Variants in EIF3CL observed in about 807,000 individuals in gnomAD.
EIF3CL encodes eukaryotic translation initiation factor 3 subunit C-like protein.
For synonymous variants in EIF3CL, 2 were observed against 19.6 expected, an observed-to-expected ratio of 0.10 and a Z score of 2.37; for missense variants, 5 against 56.1, an observed-to-expected ratio of 0.09 and a Z score of 2.91.
chr16:28,423,966 C>T, the EIF3CL span, among the ~76,000 whole-genome samples: 3 of 106,482 alleles, frequency 2.8e-5, no homozygotes, highest in African/African-American at 9.7e-5. Context: ...GGACTACAGG[C>T]GCCCGCAACC....
the EIF3CL span, among the ~76,000 whole-genome samples, chr16:28,411,184 C>T: frequency 2.0e-5 from 3 of 146,550 alleles, no homozygotes; most frequent in African/African-American, 7.6e-5. Flanking sequence ...GCTGGGATTA[C>T]AGGCATGCAC....
At chr16:28,403,085 T>C (rs1427555406) in intron 2 of EIF3CL, among the ~76,000 whole-genome samples, 6 of 144,700 alleles carry the variant, frequency 4.1e-5, no homozygotes, top group Non-Finnish European at 6.1e-5. Context: ...AACAGGCATA[T>C]AAAATGTTTA....
chr16:28,415,744 C>G, the EIF3CL span, among the ~76,000 whole-genome samples: 1 of 135,196 alleles, frequency 7.4e-6, no homozygotes, highest in Non-Finnish European at 1.6e-5. Flanking sequence ...AGCGAGACTC[C>G]GTCTCCAAAA....
chr16:28,385,086 A>AC lies in EIF3CL; in HGVS notation c.1822-1606dup, dbSNP rs2045593123. Among the ~76,000 whole-genome samples the AC allele has an allele frequency of 7.6e-5, 6 of 79,404 alleles. 1 individual carries two copies. In the South Asian group the frequency reaches 2.6e-3, roughly 34 times the overall value. 52.1% of individuals were successfully genotyped at this position (79,404 alleles called of 152,430 possible). ...AGAGCAGCCTGCCCAATATGGTGAA[A>AC]CCCCGTCTCTACTAAAAATACAAAA... On this transcript the variant is annotated intron_variant, in intron 15 of 20. Transcript: ENST00000380876.
chr16:28,416,727 C>A, the EIF3CL span, among the ~76,000 whole-genome samples: 3 of 117,598 alleles, frequency 2.6e-5, no homozygotes, highest in Non-Finnish European at 5.6e-5. Context: ...CGTCTCCGCC[C>A]GGCAGCCACC....
chr16:28,410,822 G>A, the EIF3CL span, among the ~76,000 whole-genome samples: 3 of 131,952 alleles, frequency 2.3e-5, no homozygotes, highest in East Asian at 3.0e-4. Flanking sequence ...GGCTGGTCTC[G>A]AACTCCTGGC....
At chr16:28,382,386 C>T (rs1419618789) in intron 16 of EIF3CL, among the ~76,000 whole-genome samples, 2 of 61,450 alleles carry the variant, frequency 3.3e-5, no homozygotes, top group African/African-American at 4.5e-5. Context: ...ATCGCTGCTA[C>T]TTCAGCTCCA....
chr16:28,389,537 T>TTCC (rs1269303944), intron 13 of EIF3CL, among the ~76,000 whole-genome samples: 2 of 3,846 alleles, frequency 5.2e-4, no homozygotes, highest in African/African-American at 9.1e-4. Flanking sequence ...TTTTTTTTTT[T>TTCC]GAGATGGAGT....
intron 2 of EIF3CL, among the ~76,000 whole-genome samples, chr16:28,403,005 T>C (rs1156859412): frequency 9.5e-6 from 1 of 105,168 alleles, no homozygotes. Flanking sequence ...AAAACCATTC[T>C]ATTGTTCCAA....
the EIF3CL span, among the ~76,000 whole-genome samples, chr16:28,417,758 T>C: frequency 7.3e-6 from 1 of 137,246 alleles, no homozygotes; most frequent in African/African-American, 2.6e-5. Context: ...CCCTCCACTA[T>C]TGTCCCATGA....
At chr16:28,408,077 G>A (rs1345938971), upstream of EIF3CL, among the ~76,000 whole-genome samples, 2 of 16,788 alleles carry the variant, frequency 1.2e-4, no homozygotes, top group African/African-American at 1.8e-4. Flanking sequence ...GGTGGTGCAC[G>A]CCTGTAATCC....
chr16:28,403,114 A>G (rs2045667161), intron 2 of EIF3CL, among the ~76,000 whole-genome samples: 1 of 143,764 alleles, frequency 7.0e-6, no homozygotes, highest in Non-Finnish European at 1.5e-5. Flanking sequence ...CGTACACAGC[A>G]GGTGACCAGA....
At chr16:28,411,104 C>A in the EIF3CL span, among the ~76,000 whole-genome samples, 4 of 151,088 alleles carry the variant, frequency 2.6e-5, no homozygotes, top group African/African-American at 9.7e-5. Flanking sequence ...AGTGCAATGG[C>A]GCAATCTTGG....
At chr16:28,417,190 T>C in the EIF3CL span, among the ~76,000 whole-genome samples, 1 of 132,518 alleles carries the variant, frequency 7.5e-6, no homozygotes, top group African/African-American at 2.9e-5. Flanking sequence ...GGGAGGGAGG[T>C]GGGGGGGGTC....
chr16:28,382,103 G>A (rs1323517372), intron 16 of EIF3CL, among the ~76,000 whole-genome samples: 3 of 28,302 alleles, frequency 1.1e-4, no homozygotes, highest in Non-Finnish European at 1.8e-4. Flanking sequence ...TCAGCTACTC[G>A]AGAGGCTGAG....
At chr16:28,396,667 CAAAAAAA>C (rs1209977692) in intron 8 of EIF3CL, among the ~76,000 whole-genome samples, 2 of 48,292 alleles carry the variant, frequency 4.1e-5, no homozygotes, top group African/African-American at 5.4e-5. Context: ...GACTCTGTCT[CAAAAAAA>C]AAAAAAAAAA....
chr16:28,414,718 A>C, the EIF3CL span: 1 of 371,382 alleles, frequency 2.7e-6, no homozygotes, highest in South Asian at 2.0e-5. Flanking sequence ...CGCGTCTAGA[A>C]AGCAGGTGGT....
At chr16:28,411,158 C>T in the EIF3CL span, among the ~76,000 whole-genome samples, 1 of 149,822 alleles carries the variant, frequency 6.7e-6, no homozygotes, top group Non-Finnish European at 1.5e-5. Context: ...ATTCTCCTGC[C>T]TCAGCCTCAT....
chr16:28,416,644 G>A, the EIF3CL span, among the ~76,000 whole-genome samples: 6 of 82,058 alleles, frequency 7.3e-5, 1 homozygote, highest in South Asian at 6.7e-4. Context: ...GAGCCCCTCC[G>A]CCCGGCAGCC....
Sources: gnomAD v4.1 joint callset for allele counts (sites outside exome capture counted in the v4.1 genomes callset) on GRCh38, gnomAD v4.1.1 for gene constraint, MANE v1.5 for transcripts, NCBI Gene and HGNC (gene_info 2026-07-23, HGNC 2026-07-21) for gene names.